Variants in LRP8 observed in about 807,000 individuals in gnomAD.
LRP8 encodes the protein low-density lipoprotein receptor-related protein 8.
Under a neutral mutation model 111.6 loss-of-function variants are expected in LRP8, and 46 were observed. The ratio of observed to expected loss-of-function variants is 0.41; its 90% CI spans 0.33 to 0.53. The LOEUF (loss-of-function observed/expected upper bound fraction) is 0.53, where lower values mean the gene tolerates loss of function less well. Ranked by LOEUF, LRP8 falls within the 20% of genes least tolerant of loss-of-function variation. The pLI, the probability that LRP8 is intolerant of heterozygous loss-of-function variation, is 0.20. For synonymous variants in LRP8, 464 were observed against 511.2 expected (o/e 0.91, Z 1.24); for missense variants, 959 against 1,297.4 (o/e 0.74, Z 4.01).
Position 53,309,382 on chromosome 1 carries a change from C to T in LRP8, c.244+17491G>A, listed in dbSNP as rs374837618. On this transcript the variant is annotated intron_variant, in intron 2 of 18. Coordinates refer to ENST00000306052, the MANE Select transcript of LRP8 (RefSeq NM_004631.5). The stretch of plus-strand genomic sequence containing the variant: ...TGATAGTGCGTGGGGCTCATCATCT[C>T]ATTTAATCTTCCCAGCCAACAGCCC... 2.6e-5 allele frequency among the ~76,000 whole-genome samples: 4 copies of T among 152,344 alleles called. No individual in the cohort carries two copies. In the East Asian group the frequency reaches 7.7e-4, roughly 29 times the overall value.
chr1:53,296,470 C>T (rs6691670), intron 2 of LRP8, among the ~76,000 whole-genome samples: 430 of 152,326 alleles, frequency 2.8e-3, no homozygotes, highest in African/African-American at 0.01. Flanking sequence ...CCACTTGTAC[C>T]CGGGTCGGGG....
In LRP8 at chr1:53,280,734, A is replaced by G. The variant is rs1647081268; in HGVS notation, c.368-19T>C. On this transcript the variant is annotated intron_variant, in intron 3 of 18. Transcript: ENST00000306052. ...TGCTTGGCTGTGGAGACAGACGTCC[A>G]TGCATAGCTTAGCCAAGGGGGACAC... is the stretch of plus-strand genomic sequence containing the variant. The G allele has an allele frequency of 6.2e-7, 1 of 1,609,402 alleles. No individual in the cohort carries two copies. Among genetic ancestry groups the G allele is most frequent in the Non-Finnish European group, 8.5e-7 (1 of 1,179,784 alleles).
chr1:53,266,329 A>T lies in LRP8; in HGVS notation c.1427+144T>A. 1 of 795,912 alleles carries T rather than the reference A, an allele frequency of 1.3e-6. No individual in the cohort carries two copies. The highest frequency in any genetic ancestry group is 2.0e-6 in the Non-Finnish European group (1 of 501,424). The allele number at this position is 795,912 out of a possible 1,614,324, so 49.3% of individuals were successfully genotyped here. On this transcript the variant is annotated intron_variant, in intron 9 of 18. Transcript: ENST00000306052. The surrounding 1 kb of genome is among the most constrained non-coding windows in gnomAD (Gnocchi z 5.0). Reference sequence around the variant, plus strand: ...CCCAGTAAAGTCCCAGAAGTTCCATATCCACTGTGATCCTGCATCTCTTCC... The same window carrying T: ...CCCAGTAAAGTCCCAGAAGTTCCATTTCCACTGTGATCCTGCATCTCTTCC...
chr1:53,285,795 G>T (rs1452298853), intron 3 of LRP8, among the ~76,000 whole-genome samples: 1 of 152,166 alleles, frequency 6.6e-6, no homozygotes, highest in Admixed American at 6.5e-5. Context: ...CCCCGGAGGG[G>T]ACCATATGCC....
rs940059899 is a variant in LRP8 at position 53,279,248 on chromosome 1, T to G, written c.496+1339A>C. The stretch of plus-strand genomic sequence containing the variant: ...AGAGATGAGGGGTGGGAGGACTCTT[T>G]CCTCTGCCTAGGAGGGTGGAAGCTA... On this transcript the variant is annotated intron_variant, in intron 4 of 18. Coordinates refer to ENST00000306052, the MANE Select transcript of LRP8 (RefSeq NM_004631.5). The surrounding 1 kb of genome is among the most constrained non-coding windows in gnomAD (Gnocchi z 4.4). Among the ~76,000 whole-genome samples the G allele has an allele frequency of 6.6e-5, 10 of 152,078 alleles. No individual in the cohort carries two copies. Among genetic ancestry groups the G allele is most frequent in the Non-Finnish European group, 1.3e-4 (9 of 68,000 alleles).
At chr1:53,305,983 C>T (rs1305797826) in intron 2 of LRP8, 1 of 152,240 alleles carries the variant, frequency 6.6e-6, no homozygotes, top group African/African-American at 2.4e-5. Context: ...ACACATTCCT[C>T]ACTCTCTGGG....
intron 2 of LRP8, among the ~76,000 whole-genome samples, chr1:53,299,525 C>T (rs1265466417): frequency 6.6e-6 from 1 of 152,196 alleles, no homozygotes; most frequent in Non-Finnish European, 1.5e-5. Context: ...GGGCTCCTCA[C>T]CAGGGAGTGT....
At chr1:53,288,992 C>T (rs1648124239) in intron 3 of LRP8, among the ~76,000 whole-genome samples, 1 of 152,176 alleles carries the variant, frequency 6.6e-6, no homozygotes, top group African/African-American at 2.4e-5. Flanking sequence ...CCCAGCTGGC[C>T]ATGGAGGCAG....
chr1:53,327,021 T>C, intron 1 of LRP8, 29 bp from the exon 2 acceptor site: 1 of 1,608,468 alleles, frequency 6.2e-7, no homozygotes. Flanking sequence ...GTGAGCTGGA[T>C]CAGCGGACTC....
intron 2 of LRP8, among the ~76,000 whole-genome samples, chr1:53,290,568 A>G (rs1648534642): frequency 1.3e-5 from 2 of 152,158 alleles, no homozygotes; most frequent in Non-Finnish European, 2.9e-5. Flanking sequence ...GCAGGCTGAG[A>G]GCTCACAGCT....
rs1399162174 is a variant in LRP8 at position 53,279,274 on chromosome 1, T to A, written c.496+1313A>T. On this transcript the variant is annotated intron_variant, in intron 4 of 18. Coordinates refer to ENST00000306052, the MANE Select transcript of LRP8 (RefSeq NM_004631.5). The surrounding 1 kb of genome is among the most constrained non-coding windows in gnomAD (Gnocchi z 4.4). Reference sequence around the variant, plus strand: ...CCTCTGCCTAGGAGGGTGGAAGCTATAGCATAGAAGCCCAGTAAGACCTTC... The same window carrying A: ...CCTCTGCCTAGGAGGGTGGAAGCTAAAGCATAGAAGCCCAGTAAGACCTTC... 6.6e-6 allele frequency among the ~76,000 whole-genome samples: 1 copy of A among 152,146 alleles called. No individual in the cohort carries two copies. Among genetic ancestry groups the A allele is most frequent in the African/African-American group, 2.4e-5 (1 of 41,418 alleles).
Position 53,262,044 on chromosome 1 carries a change from C to G in LRP8, c.1914+24G>C. The G allele has an allele frequency of 6.2e-7, 1 of 1,612,272 alleles. No homozygotes were observed. The highest frequency in any genetic ancestry group is 8.5e-7 in the Non-Finnish European group (1 of 1,178,922). On this transcript the variant is annotated intron_variant, in intron 12 of 18. Coordinates refer to ENST00000306052, the MANE Select transcript of LRP8 (RefSeq NM_004631.5). The surrounding 1 kb of genome is among the most constrained non-coding windows in gnomAD (Gnocchi z 4.8). ...CTAGGCTTCAGCTTCCTAGTGGGCCCTTGCCTCTCCTTACAGGACTCACCT... is the reference window on the plus strand; with the variant it reads ...CTAGGCTTCAGCTTCCTAGTGGGCCGTTGCCTCTCCTTACAGGACTCACCT...
chr1:53,312,690 C>G (rs1653225114), intron 2 of LRP8, among the ~76,000 whole-genome samples: 1 of 152,004 alleles, frequency 6.6e-6, no homozygotes, highest in Non-Finnish European at 1.5e-5. Flanking sequence ...GTGAGCCGTG[C>G]CCAGCTAGCA....
chr1:53,273,880 G>A (rs1238733456), intron 6 of LRP8, among the ~76,000 whole-genome samples: 2 of 152,178 alleles, frequency 1.3e-5, no homozygotes, highest in Non-Finnish European at 2.9e-5. Flanking sequence ...TCTGCCAGAA[G>A]GCAGGAAAGG....
intron 2 of LRP8, among the ~76,000 whole-genome samples, chr1:53,289,995 C>T (rs1648361845): frequency 1.3e-5 from 2 of 152,316 alleles, no homozygotes; most frequent in East Asian, 1.9e-4. Context: ...AGGAAGCCTT[C>T]CCTGATACCC....
At position 53,276,675 on chromosome 1, in the gene LRP8, G is replaced by T; in HGVS notation, c.883+17C>A. ...CGCAATCCCTGGGCGGGGCTGGGCG[G>T]TATGGAGGGGGCTTACGGCAGTCGG... On this transcript the variant is annotated intron_variant, in intron 5 of 18. Transcript: ENST00000306052. The T allele has an allele frequency of 1.3e-6, 2 of 1,528,242 alleles. No homozygotes were observed. Among genetic ancestry groups the T allele is most frequent in the Middle Eastern group, 3.5e-4 (2 of 5,694 alleles). The allele number at this position is 1,528,242 out of a possible 1,614,324, so 94.7% of individuals were successfully genotyped here.
At chr1:53,326,789 C>T (rs1655186979) in intron 2 of LRP8, 84 bp downstream of exon 2, 1 of 1,521,440 alleles carries the variant, frequency 6.6e-7, no homozygotes, top group African/African-American at 1.4e-5. Flanking sequence ...AGCGCGGCGG[C>T]TGCAGCCACG....
chr1:53,275,781 T>C lies in LRP8; in HGVS notation c.884-28A>G. ...GCCAGGAGAGGGCAAGGGGAGAGGA[T>C]CAGAGTCAGTGTGGTGCTAGGACAA... On this transcript the variant is annotated intron_variant, in intron 5 of 18. Transcript: ENST00000306052. The surrounding 1 kb of genome is among the most constrained non-coding windows in gnomAD (Gnocchi z 4.4). 6.2e-7 allele frequency: 1 copy of C among 1,612,156 alleles called. No individual in the cohort carries two copies.
intron 9 of LRP8, among the ~76,000 whole-genome samples, chr1:53,265,663 A>T (rs553906643): frequency 1.8e-4 from 27 of 152,300 alleles, no homozygotes; most frequent in African/African-American, 6.5e-4. Flanking sequence ...TGTTGCAGGG[A>T]GGCAGGAATC....
Sources: gnomAD v4.1 joint callset for allele counts (sites outside exome capture counted in the v4.1 genomes callset) on GRCh38, gnomAD v4.1.1 for gene constraint, Gnocchi (gnomAD v3.1) non-coding constraint, MANE v1.5 for transcripts, NCBI Gene and HGNC (gene_info 2026-07-23, HGNC 2026-07-21) for gene names.